KIFC3: variants seen among roughly 807,000 people sequenced by gnomAD.
The protein encoded by KIFC3 is kinesin-like protein KIFC3.
Under a neutral mutation model 101.8 loss-of-function variants are expected in KIFC3, and 60 were observed. The observed-to-expected ratio is 0.59, with a 90% CI of 0.48 to 0.73. The LOEUF is 0.73. KIFC3 is among the 30% of genes least tolerant of loss of function. KIFC3 has a pLI of 0.00. For synonymous variants in KIFC3, 476 were observed against 482.7 expected (o/e 0.99, Z 0.18); for missense variants, 966 against 1,137.1 (o/e 0.85, Z 2.16).
At chr16:57,782,900 T>C (rs1568011271) in intron 3 of KIFC3, among the ~76,000 whole-genome samples, 1 of 152,180 alleles carries the variant, frequency 6.6e-6, no homozygotes, top group Non-Finnish European at 1.5e-5. Flanking sequence ...GAGCCGAGAT[T>C]GCGCCATTGC....
chr16:57,770,082 C>A, intron 7 of KIFC3, 127 bp from the exon 8 acceptor site: 1 of 1,166,892 alleles, frequency 8.6e-7, no homozygotes, highest in African/African-American at 1.5e-5. Context: ...ATGTGCACAC[C>A]CAGAGGGGCA....
chr16:57,827,696 GGGC>G (rs2055488675), intron 1 of KIFC3, among the ~76,000 whole-genome samples: 1 of 152,062 alleles, frequency 6.6e-6, no homozygotes, highest in South Asian at 2.1e-4. Flanking sequence ...AAATTTCCCT[GGGC>G]TGCACTCCAC....
chr16:57,805,573 A>G (rs1257673591), upstream of KIFC3, among the ~76,000 whole-genome samples: 1 of 151,732 alleles, frequency 6.6e-6, no homozygotes. Flanking sequence ...AGAACACTGC[A>G]ATTCCACGCC....
intron 3 of KIFC3, among the ~76,000 whole-genome samples, chr16:57,783,324 T>C (rs2052938048): frequency 6.6e-6 from 1 of 152,136 alleles, no homozygotes; most frequent in African/African-American, 2.4e-5. Flanking sequence ...ATAGGCCTGT[T>C]GGAGTGATGA....
intron 3 of KIFC3, chr16:57,774,826 C>A (rs1407440464): frequency 8.6e-6 from 11 of 1,279,104 alleles, no homozygotes; most frequent in Non-Finnish European, 1.1e-5. Flanking sequence ...TGCGCCCGGC[C>A]AGTAATTTTT....
intron 3 of KIFC3, among the ~76,000 whole-genome samples, chr16:57,783,721 C>T (rs565693962): frequency 2.0e-5 from 3 of 152,268 alleles, no homozygotes; most frequent in Non-Finnish European, 4.4e-5. Flanking sequence ...GATCCACTCA[C>T]CTCTGCTTCC....
rs531767057 is a variant in KIFC3, at chr16:57,812,226, T to C, written c.109-13944A>G. On this transcript the variant is annotated intron_variant, in intron 1 of 2. Coordinates refer to the KIFC3 transcript ENST00000563028. ...CCCGGCTAATTTTTTGTATTTTTAGTAGAGATGGGGTTTCGCCGTGTTAGC... is the reference window on the plus strand; with the variant it reads ...CCCGGCTAATTTTTTGTATTTTTAGCAGAGATGGGGTTTCGCCGTGTTAGC... Among the ~76,000 whole-genome samples, 16 of 151,718 alleles carry C rather than the reference T, an allele frequency of 1.1e-4. No individual in the cohort carries two copies. The East Asian group carries it at 3.2e-3, about 30-fold the overall frequency.
intron 6 of KIFC3, 123 bp downstream of exon 6, chr16:57,771,075 G>A: frequency 7.8e-7 from 1 of 1,276,360 alleles, no homozygotes; most frequent in Non-Finnish European, 1.1e-6. Flanking sequence ...CACAGAACTG[G>A]AATGATTCTT....
chr16:57,793,456 G>T (rs1208420571), intron 3 of KIFC3, among the ~76,000 whole-genome samples: 1 of 151,274 alleles, frequency 6.6e-6, no homozygotes, highest in East Asian at 1.9e-4. Context: ...AGCTGGGCAC[G>T]GTGGCACACG....
At chr16:57,787,780 G>A (rs1250489047) in intron 3 of KIFC3, among the ~76,000 whole-genome samples, 1 of 152,174 alleles carries the variant, frequency 6.6e-6, no homozygotes, top group African/African-American at 2.4e-5. Flanking sequence ...GAGTGCCTGG[G>A]CCCAGACAGG....
chr16:57,819,722 G>A (rs59281211), intron 1 of KIFC3, among the ~76,000 whole-genome samples: 2,130 of 152,034 alleles, frequency 0.014, 43 homozygotes, highest in African/African-American at 0.046. Context: ...CACTGCACCC[G>A]GCAAATTTTT....
intron 1 of KIFC3, among the ~76,000 whole-genome samples, chr16:57,835,990 G>A (rs999801709): frequency 2.0e-5 from 3 of 152,048 alleles, no homozygotes; most frequent in Non-Finnish European, 2.9e-5. Flanking sequence ...CAGCCTGGGC[G>A]CCTCTCTCCA....
chr16:57,766,744 CCT>C (rs2050529347), intron 10 of KIFC3, 128 bp downstream of exon 10: 2 of 617,140 alleles, frequency 3.2e-6, no homozygotes, highest in Admixed American at 2.9e-5. Context: ...CTTCTCTGTG[CCT>C]CTGTTTCCTT....
chr16:57,824,366 G>A (rs1233968188), intron 1 of KIFC3, among the ~76,000 whole-genome samples: 2 of 152,222 alleles, frequency 1.3e-5, no homozygotes, highest in Non-Finnish European at 2.9e-5. Context: ...CTGGCAAAAT[G>A]AGATGTTCAC....
chr16:57,781,582 C>T (rs1434414825), intron 3 of KIFC3, among the ~76,000 whole-genome samples: 6 of 152,194 alleles, frequency 3.9e-5, no homozygotes, highest in African/African-American at 1.4e-4. Context: ...CCCAACTGCT[C>T]TCAGTAAATA....
chr16:57,850,761 C>T (rs1192077653), intron 1 of KIFC3, among the ~76,000 whole-genome samples: 1 of 152,030 alleles, frequency 6.6e-6, no homozygotes, highest in African/African-American at 2.4e-5. Flanking sequence ...CAGGAGTGAG[C>T]CGCTGTGCCC....
intron 1 of KIFC3, among the ~76,000 whole-genome samples, chr16:57,820,373 C>T (rs1453966176): frequency 6.6e-6 from 1 of 152,354 alleles, no homozygotes; most frequent in South Asian, 2.1e-4. Context: ...TCCCTCGGCT[C>T]AAGCAATTCC....
chr16:57,773,608 T>C (rs1250410548), intron 3 of KIFC3, among the ~76,000 whole-genome samples: 1 of 152,082 alleles, frequency 6.6e-6, no homozygotes, highest in Admixed American at 6.5e-5. Flanking sequence ...TAAGCTATGA[T>C]AGCATCACTG....
intron 11 of KIFC3, 44 bp downstream of exon 11, chr16:57,765,415 C>A (rs782015220): frequency 1.3e-6 from 2 of 1,529,060 alleles, no homozygotes; most frequent in Admixed American, 2.0e-5. Flanking sequence ...TCCATCTTTC[C>A]CTCTCTCCCT....
Sources: gnomAD v4.1 joint callset for allele counts (sites outside exome capture counted in the v4.1 genomes callset) on GRCh38, gnomAD v4.1.1 for gene constraint, MANE v1.5 for transcripts, NCBI Gene and HGNC (gene_info 2026-07-23, HGNC 2026-07-21) for gene names.